Variants in UGCG observed in about 807,000 individuals in gnomAD.
UGCG encodes UDP-glucose ceramide glucosyltransferase.
A neutral mutation model predicts 49.5 loss-of-function variants in UGCG; 10 were observed. That is an observed-to-expected ratio of 0.20 (90% CI 0.12 to 0.34). UGCG has a LOEUF of 0.34. UGCG is among the 10% of genes least tolerant of loss of function. The pLI, the probability that UGCG is intolerant of heterozygous loss-of-function variation, is 1.00. For synonymous variants in UGCG, 182 were observed against 158.2 expected (o/e 1.15, Z -1.13); for missense variants, 312 against 483.7 (o/e 0.65, Z 3.33).
At position 111,897,002 on chromosome 9, in the gene UGCG, C is replaced by T. The variant is rs180672903; in HGVS notation, c.-214C>T. The stretch of plus-strand genomic sequence containing the variant: ...CGCAGCACCCGCAGCCGCCCGCGAG[C>T]GCGCCGAAGACAGCGCGCAGGCGAG... On this transcript the variant is annotated 5_prime_UTR_variant, in exon 1 of 9. Transcript: ENST00000374279. 0.025 allele frequency: 6,729 copies of T among 270,452 alleles called. 152 individuals carry two copies. Among genetic ancestry groups the T allele is most frequent in the South Asian group, 0.046 (296 of 6,414 alleles). 16.8% of individuals were successfully genotyped at this position (270,452 alleles called of 1,614,324 possible).
chr9:111,928,936 A>G (rs1838372450), intron 5 of UGCG, among the ~76,000 whole-genome samples: 3 of 152,148 alleles, frequency 2.0e-5, no homozygotes, highest in African/African-American at 4.8e-5. Flanking sequence ...TGAAAAATAC[A>G]TTGAAAAAAA....
Position 111,914,681 on chromosome 9 carries a change from C to T in UGCG, c.175C>T (p.Leu59=), listed in dbSNP as rs770642261. Reference sequence around the variant, plus strand: ...CCCAGGTGTCTCTCTTCTGAAACCACTGAAAGGGGTAGATCCTAACTTAAT... The same window carrying T: ...CCCAGGTGTCTCTCTTCTGAAACCATTGAAAGGGGTAGATCCTAACTTAAT... ...KLPGVSLLKP[L]KGVDPNLINN... is the part of the protein sequence containing the mutation. Residue 59 remains leucine, a synonymous_variant, in exon 2 of 9, where the codon CTG becomes TTG. Transcript: ENST00000374279. The T allele has an allele frequency of 1.9e-6, 3 of 1,614,114 alleles. No individual in the cohort carries two copies. In the South Asian group the frequency reaches 3.3e-5, roughly 18 times the overall value.
rs1231551611 is a variant in UGCG, at chr9:111,935,320, C to G, written c.*2323C>G. On this transcript the variant is annotated 3_prime_UTR_variant, in exon 9 of 9. Coordinates refer to ENST00000374279, the MANE Select transcript of UGCG (RefSeq NM_003358.3). Reference sequence around the variant, plus strand: ...TATACCATGTTTTATTATTTAAAATCATTGTCTTAAATTTTTGTTCAAAAA... The same window carrying G: ...TATACCATGTTTTATTATTTAAAATGATTGTCTTAAATTTTTGTTCAAAAA... The G allele has an allele frequency of 1.3e-5, 2 of 151,992 alleles. No homozygotes were observed. Among genetic ancestry groups the G allele is most frequent in the African/African-American group, 4.8e-5 (2 of 41,390 alleles). 9.4% of individuals were successfully genotyped at this position (151,992 alleles called of 1,614,324 possible).
chr9:111,919,772 G>T (rs111564332), intron 2 of UGCG, among the ~76,000 whole-genome samples: 17,998 of 147,512 alleles, frequency 0.12, 1,242 homozygotes, highest in South Asian at 0.16. Context: ...TCCAGCCTGG[G>T]TGACAGAGCG....
intron 7 of UGCG, 67 bp from the exon 8 acceptor site, chr9:111,932,103 G>GA (rs762334738): frequency 6.1e-3 from 7,858 of 1,281,218 alleles, no homozygotes; most frequent in South Asian, 8.0e-3. Context: ...TTATTTGAGG[G>GA]AAAAAAAAAA....
At chr9:111,929,418 A>T (rs1397113486) in intron 5 of UGCG, 82 bp from the exon 6 acceptor site, 3 of 1,426,944 alleles carry the variant, frequency 2.1e-6, no homozygotes, top group Middle Eastern at 2.0e-4. Flanking sequence ...ACTTATAAAA[A>T]AACCATTGGG....
Position 111,914,701 on chromosome 9 carries a change from C to T in UGCG, c.195C>T (p.Asn65=). ...AACCACTGAAAGGGGTAGATCCTAACTTAATCAACAACCTGGAAACATTCT... is the reference window on the plus strand; with the variant it reads ...AACCACTGAAAGGGGTAGATCCTAATTTAATCAACAACCTGGAAACATTCT... ...LLKPLKGVDP[N]LINNLETFFE... Residue 65 remains asparagine, a synonymous_variant, in exon 2 of 9, where the codon AAC becomes AAT. Coordinates refer to ENST00000374279, the MANE Select transcript of UGCG (RefSeq NM_003358.3). The T allele has an allele frequency of 1.2e-6, 2 of 1,614,134 alleles. No individual in the cohort carries two copies. The highest frequency in any genetic ancestry group is 1.1e-5 in the South Asian group (1 of 91,086).
intron 2 of UGCG, 144 bp downstream of exon 2, chr9:111,914,890 A>G (rs1838085440): frequency 1.7e-6 from 2 of 1,198,418 alleles, no homozygotes; most frequent in Admixed American, 2.9e-5. Context: ...AACCTTTAGT[A>G]GTAGTCATCA....
intron 1 of UGCG, among the ~76,000 whole-genome samples, chr9:111,904,283 G>A (rs1020936649): frequency 4.6e-5 from 7 of 152,142 alleles, no homozygotes; most frequent in Non-Finnish European, 8.8e-5. Flanking sequence ...TAATCACACA[G>A]CCATGTGGAC....
rs1837670888 is a variant in UGCG at position 111,896,945 on chromosome 9, G to C, written c.-271G>C. On this transcript the variant is annotated 5_prime_UTR_variant, in exon 1 of 9. Transcript: ENST00000374279. ...TCGGGAGAGGCGAACCGGAGCGCGG[G>C]ACCGCGGTCGCCCCGACCAGAGCCG... The C allele has an allele frequency of 5.2e-6, 1 of 193,348 alleles. No homozygotes were observed. The highest frequency in any genetic ancestry group is 1.0e-5 in the Non-Finnish European group (1 of 96,658). The allele number at this position is 193,348 out of a possible 1,614,324, so 12.0% of individuals were successfully genotyped here. A position where few individuals can be genotyped will look rare whatever the true frequency, so the allele number is the denominator to read the frequency against.
chr9:111,922,870 C>A lies in UGCG; in HGVS notation c.262C>A (p.Gln88Lys). The A allele has an allele frequency of 2.5e-6, 4 of 1,611,980 alleles. No homozygotes were observed. The highest frequency in any genetic ancestry group is 3.4e-6 in the Non-Finnish European group (4 of 1,179,118). The stretch of plus-strand genomic sequence containing the variant: ...CTAGTATGAAGTGCTCCTTTGTGTA[C>A]AAGATCATGATGATCCAGCCATTGA... ...YPKYEVLLCV[Q>K]DHDDPAIDVC... is the part of the protein sequence containing the mutation. The change falls in exon 3 of 9, where the codon CAA becomes AAA. Residue 88 changes from glutamine (Q) to lysine (K), a missense_variant. Gln to Lys is a moderately conservative substitution (Grantham distance 53). This residue lies in a region of UGCG where 64 missense variants were observed against 67.6 expected (regional missense o/e 0.95). Coordinates refer to ENST00000374279, the MANE Select transcript of UGCG (RefSeq NM_003358.3).
chr9:111,929,726 T>G, intron 6 of UGCG, 48 bp downstream of exon 6: 1 of 1,598,290 alleles, frequency 6.3e-7, no homozygotes, highest in African/African-American at 1.3e-5. Context: ...CTAACTTCTG[T>G]TGGTTTATTC....
At chr9:111,914,464 A>G in intron 1 of UGCG, 141 bp from the exon 2 acceptor site, 2 of 792,370 alleles carry the variant, frequency 2.5e-6, no homozygotes, top group Non-Finnish European at 1.9e-6. Flanking sequence ...ACTTCCCTTC[A>G]TGTTTAGATC....
Position 111,897,127 on chromosome 9 carries a change from G to A in UGCG, c.-89G>A. 2.6e-6 allele frequency: 2 copies of A among 761,958 alleles called. No homozygotes were observed. 47.2% of individuals were successfully genotyped at this position (761,958 alleles called of 1,614,324 possible). Reference sequence around the variant, plus strand: ...CCTTCCTCTCGCCTCCCGCGCCCCCGCACCGGGCGCCCACCCTGTCCTCCT... The same window carrying A: ...CCTTCCTCTCGCCTCCCGCGCCCCCACACCGGGCGCCCACCCTGTCCTCCT... On this transcript the variant is annotated 5_prime_UTR_variant, in exon 1 of 9. Coordinates refer to ENST00000374279, the MANE Select transcript of UGCG (RefSeq NM_003358.3).
intron 3 of UGCG, 36 bp from the exon 4 acceptor site, chr9:111,924,741 C>T (rs1378139369): frequency 1.8e-6 from 2 of 1,130,708 alleles, no homozygotes; most frequent in Admixed American, 2.7e-5. Flanking sequence ...TTTAATGTTG[C>T]ATAAATCTTT....
chr9:111,903,391 C>G (rs1051910953), intron 1 of UGCG, among the ~76,000 whole-genome samples: 1 of 151,988 alleles, frequency 6.6e-6, no homozygotes, highest in Non-Finnish European at 1.5e-5. Flanking sequence ...GTGGCAAAAC[C>G]CCATCTCTAC....
chr9:111,922,765 C>T, intron 2 of UGCG, 84 bp from the exon 3 acceptor site: 9 of 905,498 alleles, frequency 9.9e-6, no homozygotes, highest in Admixed American at 6.2e-5. Context: ...TTGTTTTTTC[C>T]TGTGCTTTTT....
intron 5 of UGCG, 126 bp from the exon 6 acceptor site, chr9:111,929,373 TC>T: frequency 2.1e-6 from 2 of 941,480 alleles, no homozygotes; most frequent in Non-Finnish European, 3.0e-6. Context: ...ATTCAGGTAG[TC>T]TACGTAAGAA....
At chr9:111,919,411 A>G (rs1386450499) in intron 2 of UGCG, among the ~76,000 whole-genome samples, 2 of 151,578 alleles carry the variant, frequency 1.3e-5, no homozygotes, top group Non-Finnish European at 2.9e-5. Flanking sequence ...TGAGCCTGGG[A>G]AGTTGAGGCT....
Sources: allele counts gnomAD v4.1 joint callset (sites outside exome capture counted in the v4.1 genomes callset), GRCh38; gene constraint gnomAD v4.1.1; regional missense constraint gnomAD v4.1.1; transcripts MANE v1.5; gene names NCBI Gene and HGNC (gene_info 2026-07-23, HGNC 2026-07-21).